Variants in RORA observed in about 807,000 individuals in gnomAD.
RORA encodes RAR related orphan receptor A.
RORA carries 7 observed loss-of-function variants against 69.5 expected under a neutral mutation model. The observed-to-expected ratio is 0.10, with a 90% confidence interval of 0.06 to 0.19. The LOEUF (loss-of-function observed/expected upper bound fraction) is 0.19. RORA is among the 10% of genes least tolerant of loss of function. The pLI is 1.00. For missense variants in RORA, 457 were observed against 663.0 expected, an observed-to-expected ratio of 0.69 and a Z score of 3.41; for synonymous variants, 261 against 240.8, an observed-to-expected ratio of 1.08 and a Z score of -0.78.
chr15:60,523,046 A>AAC lies in RORA; in HGVS notation c.283-8291_283-8290dup, dbSNP rs1463813265. On this transcript the variant is annotated intron_variant, in intron 3 of 10. Coordinates refer to ENST00000335670, the MANE Select transcript of RORA (RefSeq NM_134261.3). ...GGGCGAGACTCTGCCTCAAAAAAAA[A>AAC]ACACAAAAAAAAAAACTGATGAAAA... 1.8e-3 allele frequency among the ~76,000 whole-genome samples: 239 copies of AAC among 135,860 alleles called. 2 individuals carry two copies. The highest frequency in any genetic ancestry group is 7.0e-3 in the African/African-American group (229 of 32,512). 89.1% of individuals were successfully genotyped at this position (135,860 alleles called of 152,430 possible).
chr15:60,621,571 C>G (rs1344958856), intron 2 of RORA, among the ~76,000 whole-genome samples: 1 of 152,066 alleles, frequency 6.6e-6, no homozygotes, highest in Non-Finnish European at 1.5e-5. Flanking sequence ...CCTAATTAGG[C>G]TATGATGTAC....
At chr15:60,657,328 AC>A (rs1242046917) in intron 2 of RORA, among the ~76,000 whole-genome samples, 3 of 150,772 alleles carry the variant, frequency 2.0e-5, no homozygotes, top group Non-Finnish European at 3.0e-5. Context: ...TTATGCCAAT[AC>A]CCCCCTGCCC....
Position 60,981,137 on chromosome 15 carries a change from C to T in RORA, c.166+247916G>A, listed in dbSNP as rs180988020. 1.4e-3 allele frequency among the ~76,000 whole-genome samples: 215 copies of T among 150,396 alleles called. 1 individual carries two copies. The highest frequency in any genetic ancestry group is 5.1e-3 in the African/African-American group (208 of 40,928). ...CAGCACTTTGAATGTCATCACACTG[C>T]CTTTGGCCTCCATGGTTTGTGATGA... On this transcript the variant is annotated intron_variant, in intron 1 of 10. Coordinates refer to ENST00000335670, the MANE Select transcript of RORA (RefSeq NM_134261.3).
In RORA at chr15:60,611,559, CAAAAAAAAAA is replaced by C. The variant is rs533598270; in HGVS notation, c.196+67088_196+67097del. 4.2e-4 allele frequency among the ~76,000 whole-genome samples: 15 copies of C among 35,818 alleles called. 1 individual carries two copies. Among genetic ancestry groups the C allele is most frequent in the African/African-American group, 1.1e-3 (10 of 8,780 alleles). 23.5% of individuals were successfully genotyped at this position (35,818 alleles called of 152,430 possible). On this transcript the variant is annotated intron_variant, in intron 2 of 10. Coordinates refer to ENST00000335670, the MANE Select transcript of RORA (RefSeq NM_134261.3). ...TTACCTCAAACAATCTTGAGTTTTG[CAAAAAAAAAA>C]AAAAAAAAAAAAAAAAAAAAGGTGG...
chr15:60,640,397 C>T (rs1350056908), intron 2 of RORA, among the ~76,000 whole-genome samples: 1 of 152,106 alleles, frequency 6.6e-6, no homozygotes, highest in African/African-American at 2.4e-5. Flanking sequence ...ACTGGTTTTC[C>T]TCCTTCTGTT....
chr15:60,519,099 T>A (rs1456521550), intron 3 of RORA, among the ~76,000 whole-genome samples: 1 of 152,134 alleles, frequency 6.6e-6, no homozygotes, highest in Non-Finnish European at 1.5e-5. Flanking sequence ...GGTCTGGATG[T>A]ATGGGAGAAA....
At chr15:61,192,199 T>C (rs768150988) in intron 1 of RORA, among the ~76,000 whole-genome samples, 6 of 152,378 alleles carry the variant, frequency 3.9e-5, no homozygotes, top group Middle Eastern at 3.4e-3. Context: ...GACTTGACCA[T>C]TGGCCTTTAA....
At chr15:60,837,168 C>T (rs1423797338) in intron 1 of RORA, among the ~76,000 whole-genome samples, 2 of 152,054 alleles carry the variant, frequency 1.3e-5, no homozygotes, top group Non-Finnish European at 2.9e-5. Flanking sequence ...CATCATGCCG[C>T]ACCCCCTCGT....
intron 1 of RORA, among the ~76,000 whole-genome samples, chr15:60,918,665 T>G (rs1247188859): frequency 6.6e-6 from 1 of 152,170 alleles, no homozygotes; most frequent in Non-Finnish European, 1.5e-5. Flanking sequence ...GCAGGAACCT[T>G]GGAGATATCA....
chr15:61,003,715 G>T (rs1175551383), intron 1 of RORA, among the ~76,000 whole-genome samples: 3 of 152,178 alleles, frequency 2.0e-5, no homozygotes, highest in Admixed American at 1.3e-4. Context: ...GCTAGCCATG[G>T]GTGGTGGGAA....
At chr15:60,821,867 G>A (rs377215884) in intron 1 of RORA, among the ~76,000 whole-genome samples, 19 of 152,142 alleles carry the variant, frequency 1.2e-4, no homozygotes, top group African/African-American at 4.3e-4. Context: ...TAGGTAATTC[G>A]ATCAAAGTCA....
chr15:61,197,442 C>T (rs527521405), intron 1 of RORA, among the ~76,000 whole-genome samples: 1 of 152,260 alleles, frequency 6.6e-6, no homozygotes, highest in South Asian at 2.1e-4. Context: ...TCACGAGGAG[C>T]CCATCCATCT....
At chr15:60,604,816 T>C (rs1335938284) in intron 2 of RORA, among the ~76,000 whole-genome samples, 1 of 152,194 alleles carries the variant, frequency 6.6e-6, no homozygotes, top group Non-Finnish European at 1.5e-5. Context: ...TCCTCTCCTG[T>C]ACAACTGAAA....
intron 1 of RORA, among the ~76,000 whole-genome samples, chr15:60,987,057 AC>A (rs1894225706): frequency 6.6e-6 from 1 of 152,190 alleles, no homozygotes; most frequent in African/African-American, 2.4e-5. Flanking sequence ...ATAAGACTAA[AC>A]TTGCCTCTCC....
chr15:60,790,236 G>A (rs571683336), intron 1 of RORA, among the ~76,000 whole-genome samples: 4 of 152,340 alleles, frequency 2.6e-5, no homozygotes, highest in Admixed American at 2.0e-4. Context: ...CTGCAAACCA[G>A]AGAGTCGAAT....
intron 1 of RORA, among the ~76,000 whole-genome samples, chr15:60,787,834 T>G (rs2072359593): frequency 6.6e-6 from 1 of 151,918 alleles, no homozygotes; most frequent in Non-Finnish European, 1.5e-5. Context: ...GAGGAAAGAG[T>G]GGAAGTTCAT....
rs1595657730 is a variant in RORA, at chr15:60,720,309, G to A, written c.167-41623C>T. ...ATTCACCCCACAAGATGTAGTCCTCGCCCTGACGGCAAGACGGCATGCGAG... is the reference window on the plus strand; with the variant it reads ...ATTCACCCCACAAGATGTAGTCCTCACCCTGACGGCAAGACGGCATGCGAG... On this transcript the variant is annotated intron_variant, in intron 1 of 10. Transcript: ENST00000335670. Among the ~76,000 whole-genome samples, 3 of 152,200 alleles carry A rather than the reference G, an allele frequency of 2.0e-5. No individual in the cohort carries two copies. The South Asian group carries it at 6.2e-4, about 32-fold the overall frequency.
At chr15:60,843,351 A>G (rs1170029025) in intron 1 of RORA, among the ~76,000 whole-genome samples, 3 of 152,352 alleles carry the variant, frequency 2.0e-5, no homozygotes, top group Non-Finnish European at 4.4e-5. Context: ...CATAAAGTCC[A>G]GGTACCTCAT....
intron 1 of RORA, among the ~76,000 whole-genome samples, chr15:60,922,920 T>G (rs1892096571): frequency 6.6e-6 from 1 of 152,232 alleles, no homozygotes; most frequent in East Asian, 1.9e-4. Context: ...GTCACACATA[T>G]ATGCAGAAGA....
Sources: gnomAD v4.1 joint callset for allele counts (sites outside exome capture counted in the v4.1 genomes callset) on GRCh38, gnomAD v4.1.1 for gene constraint, MANE v1.5 for transcripts, NCBI Gene and HGNC (gene_info 2026-07-23, HGNC 2026-07-21) for gene names.